DYNLL2: variants seen among roughly 807,000 people sequenced by gnomAD.
DYNLL2 encodes dynein light chain 2, cytoplasmic.
Under a neutral mutation model 9.7 loss-of-function variants are expected in DYNLL2, and 1 was observed. The ratio of observed to expected loss-of-function variants is 0.10; its 90% CI spans 0.04 to 0.49. The LOEUF is 0.49. Among genes scored for constraint, DYNLL2 ranks in the 20% least tolerant of loss-of-function variants. The pLI is 0.95. For synonymous variants in DYNLL2, 35 were observed against 40.5 expected (o/e 0.86, Z 0.52); for missense variants, 37 against 115.2 (o/e 0.32, Z 3.11).
chr17:58,091,376 C>T lies in DYNLL2; in HGVS notation c.*2097C>T, dbSNP rs1388608319. On this transcript the variant is annotated 3_prime_UTR_variant, in exon 3 of 3. Transcript: ENST00000579991. ...AGATACTGATTGGCCTGTAGCAGCA[C>T]TTATTTGTGCCTAGGCTTATGCCCC... is the stretch of plus-strand genomic sequence containing the variant. 2 of 133,854 alleles carry T rather than the reference C, an allele frequency of 1.5e-5. No homozygotes were observed. The highest frequency in any genetic ancestry group is 3.2e-5 in the Non-Finnish European group (2 of 62,866). 8.3% of individuals were successfully genotyped at this position (133,854 alleles called of 1,614,324 possible).
At chr17:58,086,981 C>CTTCTA in intron 1 of DYNLL2, 101 bp from the exon 2 acceptor site, 1 of 1,443,030 alleles carries the variant, frequency 6.9e-7, no homozygotes, top group Non-Finnish European at 9.5e-7. Context: ...TTGCCCTCAC[C>CTTCTA]TTCTATACTC....
intron 1 of DYNLL2, among the ~76,000 whole-genome samples, chr17:58,084,821 C>G (rs1480674241): frequency 6.6e-6 from 1 of 151,962 alleles, no homozygotes; most frequent in Non-Finnish European, 1.5e-5. Flanking sequence ...GGCCCCACCC[C>G]CACCCCTGGG....
rs528130475 is a variant in DYNLL2, at chr17:58,095,379, C to T, written c.*6100C>T. 6.6e-6 allele frequency: 1 copy of T among 152,346 alleles called. No homozygotes were observed. Among genetic ancestry groups the T allele is most frequent in the African/African-American group, 2.4e-5 (1 of 41,574 alleles). 9.4% of individuals were successfully genotyped at this position (152,346 alleles called of 1,614,324 possible). On this transcript the variant is annotated 3_prime_UTR_variant, in exon 3 of 3. Transcript: ENST00000579991. ...ACCCTTAATCTAAATGACACATTCA[C>T]ATGATACATTATTCTAAAGGCACAA...
In DYNLL2 at chr17:58,090,817, C is replaced by T. The variant is rs548404700; in HGVS notation, c.*1538C>T. The T allele has an allele frequency of 4.8e-5, 7 of 146,344 alleles. No individual in the cohort carries two copies. Among genetic ancestry groups the T allele is most frequent in the African/African-American group, 1.5e-4 (6 of 39,116 alleles). 9.1% of individuals were successfully genotyped at this position (146,344 alleles called of 1,614,324 possible). A position where few individuals can be genotyped will look rare whatever the true frequency, so the allele number is the denominator to read the frequency against. On this transcript the variant is annotated 3_prime_UTR_variant, in exon 3 of 3. Coordinates refer to ENST00000579991, the MANE Select transcript of DYNLL2 (RefSeq NM_080677.3). ...TTTCATGAGTCGCCTTCAAAACTCTCGTGTAGGGTTGACAATGTGGGGGGG... is the reference window on the plus strand; with the variant it reads ...TTTCATGAGTCGCCTTCAAAACTCTTGTGTAGGGTTGACAATGTGGGGGGG...
intron 1 of DYNLL2, among the ~76,000 whole-genome samples, chr17:58,084,906 A>G (rs147614187): frequency 1.1e-3 from 160 of 150,390 alleles, no homozygotes; most frequent in African/African-American, 3.8e-3. Context: ...CTTCACTTAT[A>G]CAGAGCCTTA....
intron 2 of DYNLL2, among the ~76,000 whole-genome samples, chr17:58,088,505 A>G (rs1362220805): frequency 1.3e-5 from 2 of 152,188 alleles, no homozygotes; most frequent in Non-Finnish European, 2.9e-5. Flanking sequence ...GATTAGCTCT[A>G]AAGATTTCCT....
At chr17:58,086,714 T>A (rs1288372809) in intron 1 of DYNLL2, among the ~76,000 whole-genome samples, 1 of 152,196 alleles carries the variant, frequency 6.6e-6, no homozygotes, top group East Asian at 1.9e-4. Flanking sequence ...ATTTTACAGA[T>A]AATGACATAA....
Position 58,087,169 on chromosome 17 carries a change from C to G in DYNLL2, c.79C>G (p.Gln27Glu). The G allele has an allele frequency of 6.2e-7, 1 of 1,614,198 alleles. No individual in the cohort carries two copies. Among genetic ancestry groups the G allele is most frequent in the Non-Finnish European group, 8.5e-7 (1 of 1,180,032 alleles). ...MQQDAVDCAT[Q>E]AMEKYNIEKD... ...ACAGGATGCCGTTGACTGCGCCACGCAGGCCATGGAGAAGTACAATATAGA... is the reference window on the plus strand; with the variant it reads ...ACAGGATGCCGTTGACTGCGCCACGGAGGCCATGGAGAAGTACAATATAGA... Residue 27 changes from glutamine to glutamate, a missense_variant, in exon 2 of 3, where the codon CAG (glutamine) becomes GAG (glutamate). Physicochemically the swap from Gln to Glu is conservative, Grantham distance 29. Coordinates refer to ENST00000579991, the MANE Select transcript of DYNLL2 (RefSeq NM_080677.3).
At chr17:58,084,237 C>T (rs969846367) in intron 1 of DYNLL2, among the ~76,000 whole-genome samples, 11 of 152,054 alleles carry the variant, frequency 7.2e-5, no homozygotes, top group Non-Finnish European at 7.4e-5. Flanking sequence ...CAGGTGCTGC[C>T]CTTCGGGACC....
chr17:58,090,888 CTGG>C lies in DYNLL2; in HGVS notation c.*1613_*1615del, dbSNP rs970412310. 4 of 151,816 alleles carry C rather than the reference CTGG, an allele frequency of 2.6e-5. No individual in the cohort carries two copies. The highest frequency in any genetic ancestry group is 1.3e-4 in the Admixed American group (2 of 15,256). The allele number at this position is 151,816 out of a possible 1,614,324, so 9.4% of individuals were successfully genotyped here. ...TTTATTTTCAAGTCCATTCTTGGGG[CTGG>C]TGGGGAGGCAGGAGAATACCCCTCC... On this transcript the variant is annotated 3_prime_UTR_variant, in exon 3 of 3. Coordinates refer to ENST00000579991, the MANE Select transcript of DYNLL2 (RefSeq NM_080677.3).
Position 58,089,869 on chromosome 17 carries a change from C to T in DYNLL2, c.*590C>T. The T allele has an allele frequency of 2.5e-6, 1 of 398,644 alleles. No homozygotes were observed. Among genetic ancestry groups the T allele is most frequent in the Non-Finnish European group, 4.4e-6 (1 of 226,272 alleles). The allele number at this position is 398,644 out of a possible 1,614,324, so 24.7% of individuals were successfully genotyped here. On this transcript the variant is annotated 3_prime_UTR_variant, in exon 3 of 3. Coordinates refer to ENST00000579991, the MANE Select transcript of DYNLL2 (RefSeq NM_080677.3). ...GGGGTGGGGATGCCTTCTTTAGGGG[C>T]CCTGAGATGTGTTTGTCTGTGGTGT...
chr17:58,091,625 CTATT>C lies in DYNLL2; in HGVS notation c.*2349_*2352del, dbSNP rs1246005975. 1 of 152,148 alleles carries C rather than the reference CTATT, an allele frequency of 6.6e-6. No homozygotes were observed. The highest frequency in any genetic ancestry group is 6.5e-5 in the Admixed American group (1 of 15,272). 9.4% of individuals were successfully genotyped at this position (152,148 alleles called of 1,614,324 possible). Reference sequence around the variant, plus strand: ...TTCTCGGCTTTCCTGAACCTGGAGACTATTTAGCAAAGGGTCTGGCCACTCAGAA... The same window carrying C: ...TTCTCGGCTTTCCTGAACCTGGAGACTAGCAAAGGGTCTGGCCACTCAGAA... On this transcript the variant is annotated 3_prime_UTR_variant, in exon 3 of 3. Coordinates refer to ENST00000579991, the MANE Select transcript of DYNLL2 (RefSeq NM_080677.3).
At chr17:58,087,668 C>A (rs998158573) in intron 2 of DYNLL2, among the ~76,000 whole-genome samples, 67 of 152,144 alleles carry the variant, frequency 4.4e-4, no homozygotes, top group African/African-American at 1.5e-3. Flanking sequence ...GTTTCCTTTT[C>A]TTTTCCTTAA....
intron 2 of DYNLL2, among the ~76,000 whole-genome samples, chr17:58,088,515 T>C (rs926898540): frequency 1.3e-5 from 2 of 152,200 alleles, no homozygotes; most frequent in African/African-American, 4.8e-5. Context: ...AAAGATTTCC[T>C]GTGGTTTTGA....
intron 2 of DYNLL2, among the ~76,000 whole-genome samples, chr17:58,088,491 A>C (rs2075768677): frequency 6.6e-6 from 1 of 152,108 alleles, no homozygotes; most frequent in African/African-American, 2.4e-5. Context: ...GGTAGTAGGG[A>C]GCTGATTAGC....
chr17:58,084,194 G>A (rs2075748941), intron 1 of DYNLL2, among the ~76,000 whole-genome samples: 1 of 152,000 alleles, frequency 6.6e-6, no homozygotes, highest in African/African-American at 2.4e-5. Flanking sequence ...GCGGGCGGGA[G>A]GTCGGGGGGA....
Position 58,095,043 on chromosome 17 carries a change from G to A in DYNLL2, c.*5764G>A, listed in dbSNP as rs1012159256. The A allele has an allele frequency of 4.5e-5, 6 of 133,872 alleles. No individual in the cohort carries two copies. The East Asian group carries it at 1.4e-3, about 31-fold the overall frequency. 8.3% of individuals were successfully genotyped at this position (133,872 alleles called of 1,614,324 possible). On this transcript the variant is annotated 3_prime_UTR_variant, in exon 3 of 3. Transcript: ENST00000579991. ...CTTTTTGACTATTGTGATTAGTGCTGCTATGAACATTGATGTACAGATTTT... is the reference window on the plus strand; with the variant it reads ...CTTTTTGACTATTGTGATTAGTGCTACTATGAACATTGATGTACAGATTTT...
intron 2 of DYNLL2, 38 bp downstream of exon 2, chr17:58,087,260 G>C (rs1408603099): frequency 2.5e-6 from 4 of 1,609,964 alleles, no homozygotes; most frequent in East Asian, 4.5e-5. Context: ...CCAGGGGTGG[G>C]GATCGACAGC....
rs976430099 is a variant in DYNLL2 at position 58,083,452 on chromosome 17, G to A, written c.-241G>A. The A allele has an allele frequency of 7.4e-6, 1 of 135,012 alleles. No homozygotes were observed. Among genetic ancestry groups the A allele is most frequent in the African/African-American group, 2.7e-5 (1 of 36,516 alleles). The allele number at this position is 135,012 out of a possible 1,614,324, so 8.4% of individuals were successfully genotyped here. The stretch of plus-strand genomic sequence containing the variant: ...AGCGGAGCGGAGCTGTGAGGCGCCA[G>A]TGCGGAGCGGGCGGGCGGGCGGGCG... On this transcript the variant is annotated 5_prime_UTR_variant, in exon 1 of 3. The change creates a new upstream start codon in the 5' untranslated region. Coordinates refer to ENST00000579991, the MANE Select transcript of DYNLL2 (RefSeq NM_080677.3).
Sources: gnomAD v4.1 joint callset for allele counts (sites outside exome capture counted in the v4.1 genomes callset) on GRCh38, gnomAD v4.1.1 for gene constraint, MANE v1.5 for transcripts, NCBI Gene and HGNC (gene_info 2026-07-23, HGNC 2026-07-21) for gene names.